Variants in TMEM65 observed in about 807,000 individuals in gnomAD.
TMEM65 encodes the protein transmembrane protein 65.
TMEM65 carries 22 observed loss-of-function variants against 25.4 expected under a neutral mutation model. The observed-to-expected ratio is 0.86, with a 90% CI of 0.62 to 1.23. TMEM65 has a LOEUF of 1.23. TMEM65 is among the 50% of genes most tolerant of loss of function. The pLI, the probability that TMEM65 is intolerant of heterozygous loss-of-function variation, is 0.00. For missense variants in TMEM65, 262 were observed against 308.2 expected (o/e 0.85, Z 1.12); for synonymous variants, 132 against 126.2 (o/e 1.05, Z -0.31).
At chr8:124,362,055 T>C (rs1470530998) in intron 1 of TMEM65, among the ~76,000 whole-genome samples, 1 of 151,662 alleles carries the variant, frequency 6.6e-6, no homozygotes, top group Non-Finnish European at 1.5e-5. Context: ...CACGCTCAGC[T>C]AATTTTTTGT....
rs1814148843 is a variant in TMEM65 at position 124,310,834 on chromosome 8, T to C, written c.*3126A>G. 6.6e-6 allele frequency: 1 copy of C among 150,934 alleles called. No homozygotes were observed. Among genetic ancestry groups the C allele is most frequent in the African/African-American group, 2.4e-5 (1 of 41,102 alleles). The allele number at this position is 150,934 out of a possible 1,614,324, so 9.3% of individuals were successfully genotyped here. ...GAGATAAAAGTTGCCAGAAGCAAGA[T>C]CAGAAAAAAAAATGAAAACTATAAA... On this transcript the variant is annotated 3_prime_UTR_variant, in exon 7 of 7. Coordinates refer to ENST00000297632, the MANE Select transcript of TMEM65 (RefSeq NM_194291.3).
intron 1 of TMEM65, among the ~76,000 whole-genome samples, chr8:124,339,657 A>G (rs1182753922): frequency 6.6e-6 from 1 of 151,956 alleles, no homozygotes; most frequent in East Asian, 1.9e-4. Flanking sequence ...CATGAATTTG[A>G]GTTTTGAGCT....
intron 1 of TMEM65, among the ~76,000 whole-genome samples, chr8:124,348,135 T>C (rs1157953652): frequency 6.6e-6 from 1 of 152,098 alleles, no homozygotes; most frequent in African/African-American, 2.4e-5. Flanking sequence ...TTAGTAGAGA[T>C]AGGGTTTCTC....
intron 1 of TMEM65, among the ~76,000 whole-genome samples, chr8:124,358,614 T>C (rs1047023817): frequency 1.3e-5 from 2 of 152,216 alleles, no homozygotes; most frequent in Non-Finnish European, 2.9e-5. Context: ...GTCACTTTCC[T>C]TTTTCCATCC....
intron 1 of TMEM65, among the ~76,000 whole-genome samples, chr8:124,349,343 T>TTA (rs1554590534): frequency 3.3e-5 from 5 of 151,558 alleles, no homozygotes; most frequent in Non-Finnish European, 5.9e-5. Context: ...ACATTTTTTT[T>TTA]AAAAAAAAAT....
At chr8:124,353,429 T>C (rs1428467710) in intron 1 of TMEM65, among the ~76,000 whole-genome samples, 1 of 152,084 alleles carries the variant, frequency 6.6e-6, no homozygotes, top group Non-Finnish European at 1.5e-5. Flanking sequence ...CTGTAATGAA[T>C]CTTTATAATA....
Position 124,372,196 on chromosome 8 carries a change from A to G in TMEM65, c.-39T>C, listed in dbSNP as rs1405533673. The G allele has an allele frequency of 1.7e-6, 2 of 1,196,318 alleles. No homozygotes were observed. The highest frequency in any genetic ancestry group is 1.0e-6 in the Non-Finnish European group (1 of 956,956). The allele number at this position is 1,196,318 out of a possible 1,614,324, so 74.1% of individuals were successfully genotyped here. A position where few individuals can be genotyped will look rare whatever the true frequency, so the allele number is the denominator to read the frequency against. ...GCTGGGACCCCCGCGGCCGTCCGGC[A>G]AGGCGGTTTCTGGCGCGGCTGAGGC... is the stretch of plus-strand genomic sequence containing the variant. On this transcript the variant is annotated 5_prime_UTR_variant, in exon 1 of 7. Transcript: ENST00000297632.
intron 1 of TMEM65, among the ~76,000 whole-genome samples, chr8:124,360,773 A>G (rs1814848864): frequency 6.6e-6 from 1 of 152,254 alleles, no homozygotes; most frequent in Admixed American, 6.5e-5. Context: ...GCTTAGGGCA[A>G]TGAAACAGAT....
At chr8:124,325,561 G>GA (rs1372275745) in intron 3 of TMEM65, among the ~76,000 whole-genome samples, 1 of 151,624 alleles carries the variant, frequency 6.6e-6, no homozygotes, top group Non-Finnish European at 1.5e-5. Context: ...ATGTGCTGGG[G>GA]AAAAAAATAA....
intron 1 of TMEM65, among the ~76,000 whole-genome samples, chr8:124,331,421 A>ATTAATTAATATATAAG (rs1357228890): frequency 1.3e-5 from 2 of 148,450 alleles, no homozygotes; most frequent in South Asian, 2.1e-4. Flanking sequence ...ATTGATATAT[A>ATTAATTAATATATAAG]ATATAACTGA....
chr8:124,339,364 G>A (rs1392067440), intron 1 of TMEM65, among the ~76,000 whole-genome samples: 1 of 123,866 alleles, frequency 8.1e-6, no homozygotes, highest in Non-Finnish European at 1.7e-5. Flanking sequence ...ACAAGCTATA[G>A]CAAAAAAGTT....
intron 1 of TMEM65, among the ~76,000 whole-genome samples, chr8:124,348,231 G>A (rs1406294947): frequency 1.3e-5 from 2 of 151,776 alleles, no homozygotes; most frequent in Non-Finnish European, 2.9e-5. Context: ...ACAGGCGTGA[G>A]CCACCGTGCC....
intron 1 of TMEM65, among the ~76,000 whole-genome samples, chr8:124,339,216 AAAAAAAATATATATATAT>A (rs1488244754): frequency 3.9e-5 from 1 of 25,758 alleles, no homozygotes; most frequent in East Asian, 1.2e-3. Context: ...AAAAAAAAAA[AAAAAAAATATATATATAT>A]ATATATATAT....
intron 1 of TMEM65, among the ~76,000 whole-genome samples, chr8:124,345,136 G>C (rs772958786): frequency 1.4e-4 from 22 of 152,188 alleles, no homozygotes; most frequent in Non-Finnish European, 2.9e-4. Context: ...CTTGTAACAA[G>C]TAGCTGAGCT....
rs1814092303 is a variant in TMEM65 at position 124,306,408 on chromosome 8, T to C, written c.*7552A>G. On this transcript the variant is annotated 3_prime_UTR_variant, in exon 7 of 7. Transcript: ENST00000297632. Reference sequence around the variant, plus strand: ...CTGCAGAAATGGTGGAGAATGACACTGGAAGTCATAAAGTTGATTCTCAAA... The same window carrying C: ...CTGCAGAAATGGTGGAGAATGACACCGGAAGTCATAAAGTTGATTCTCAAA... 1 of 152,190 alleles carries C rather than the reference T, an allele frequency of 6.6e-6. No homozygotes were observed. The highest frequency in any genetic ancestry group is 2.4e-5 in the African/African-American group (1 of 41,442). The allele number at this position is 152,190 out of a possible 1,614,324, so 9.4% of individuals were successfully genotyped here.
At position 124,353,092 on chromosome 8, in the gene TMEM65, A is replaced by G. The variant is rs530577099; in HGVS notation, c.304+18762T>C. 3.3e-5 allele frequency among the ~76,000 whole-genome samples: 5 copies of G among 151,972 alleles called. No homozygotes were observed. In the South Asian group the frequency reaches 6.2e-4, roughly 19 times the overall value. ...TGGTGAGCTGAGGTCGCACCACTGCACTCCAGCCTAGGTGACAGAGGGAGA... is the reference window on the plus strand; with the variant it reads ...TGGTGAGCTGAGGTCGCACCACTGCGCTCCAGCCTAGGTGACAGAGGGAGA... On this transcript the variant is annotated intron_variant, in intron 1 of 6. Coordinates refer to ENST00000297632, the MANE Select transcript of TMEM65 (RefSeq NM_194291.3).
chr8:124,357,005 G>T (rs963990415), intron 1 of TMEM65, among the ~76,000 whole-genome samples: 3 of 151,600 alleles, frequency 2.0e-5, no homozygotes, highest in Non-Finnish European at 2.9e-5. Context: ...ACCGTTCCTG[G>T]TCTTATTCCC....
chr8:124,350,475 TCTCACA>T (rs1261485676), intron 1 of TMEM65, among the ~76,000 whole-genome samples: 8 of 82,230 alleles, frequency 9.7e-5, no homozygotes, highest in Non-Finnish European at 1.9e-4. Flanking sequence ...TCTCTCTCTC[TCTCACA>T]CACACACACA....
At chr8:124,363,407 A>C (rs1164678320) in intron 1 of TMEM65, among the ~76,000 whole-genome samples, 1 of 152,180 alleles carries the variant, frequency 6.6e-6, no homozygotes, top group Non-Finnish European at 1.5e-5. Context: ...AGGCCACAGA[A>C]ATAACCAAAT....
Sources: gnomAD v4.1 joint callset for allele counts (sites outside exome capture counted in the v4.1 genomes callset) on GRCh38, gnomAD v4.1.1 for gene constraint, MANE v1.5 for transcripts, NCBI Gene and HGNC (gene_info 2026-07-23, HGNC 2026-07-21) for gene names.